The following ZNF880 variants were observed in gnomAD, a reference collection of about 807,000 sequenced individuals.
ZNF880 encodes zinc finger protein LOC400713.
A neutral mutation model predicts 11.8 loss-of-function variants in ZNF880; 12 were observed. That is an observed-to-expected ratio of 1.02 (90% CI 0.65 to 1.65). ZNF880 has a LOEUF of 1.65. Among genes scored for constraint, ZNF880 ranks in the 40% most tolerant of loss-of-function variants. The probability of loss-of-function intolerance (pLI) is 0.00; values close to 1 mark genes in which losing one functional copy is unlikely to be tolerated. For synonymous variants in ZNF880, 210 were observed against 232.4 expected, an observed-to-expected ratio of 0.90 and a Z score of 0.88; for missense variants, 601 against 673.9, an observed-to-expected ratio of 0.89 and a Z score of 1.20.
the ZNF880 span, chr19:52,397,031 G>C: frequency 6.6e-6 from 1 of 152,224 alleles, no homozygotes; most frequent in Non-Finnish European, 1.5e-5. Flanking sequence ...GGAGGCGGAG[G>C]TTACAGTGAG....
In ZNF880 at chr19:52,370,254, G is replaced by A. The variant is rs561877978; in HGVS notation, c.12+277G>A. 146 of 482,986 alleles carry A rather than the reference G, an allele frequency of 3.0e-4. 1 individual carries two copies. Among genetic ancestry groups the A allele is most frequent in the African/African-American group, 2.6e-3 (135 of 51,520 alleles). The allele number at this position is 482,986 out of a possible 1,614,324, so 29.9% of individuals were successfully genotyped here. ...AAATCCTTCAGTGACCCCTAGACAC[G>A]GCCCGCGCTGCGTAAAGTTCTCACC... On this transcript the variant is annotated intron_variant, in intron 1 of 3. Coordinates refer to ENST00000422689, the MANE Select transcript of ZNF880 (RefSeq NM_001145434.2).
chr19:52,375,126 GGAGTCTCAC>G (rs1986515334), intron 3 of ZNF880, among the ~76,000 whole-genome samples: 1 of 145,212 alleles, frequency 6.9e-6, no homozygotes, highest in South Asian at 2.3e-4. Flanking sequence ...TTTTTGAGAT[GGAGTCTCAC>G]TGTGTTACCC....
At chr19:52,370,005 C>G (rs1986314352) in intron 1 of ZNF880, 28 bp downstream of exon 1, 1 of 1,551,500 alleles carries the variant, frequency 6.4e-7, no homozygotes, top group Non-Finnish European at 8.7e-7. Flanking sequence ...TAGATTAAAT[C>G]TGGGATGCTG....
downstream of ZNF880, among the ~76,000 whole-genome samples, chr19:52,388,282 C>CTTTTCTTTTTTTTTT (rs1986945685): frequency 1.6e-5 from 1 of 63,424 alleles, no homozygotes. Context: ...GCAATTTGAA[C>CTTTTCTTTTTTTTTT]TTTTTTTTTT....
chr19:52,373,515 A>G (rs1013970884), intron 2 of ZNF880, among the ~76,000 whole-genome samples: 4 of 152,140 alleles, frequency 2.6e-5, no homozygotes, highest in Non-Finnish European at 5.9e-5. Context: ...GTATGCGTCA[A>G]ACCTTATGAC....
chr19:52,375,412 G>A (rs182751), intron 3 of ZNF880, among the ~76,000 whole-genome samples: 29,264 of 151,484 alleles, frequency 0.19, 3,393 homozygotes, highest in African/African-American at 0.33. Context: ...AGCTGGTCTC[G>A]AACTCCTGGC....
At chr19:52,390,394 C>T, downstream of ZNF880, 1 of 380,324 alleles carries the variant, frequency 2.6e-6, no homozygotes, top group Admixed American at 2.8e-5. Context: ...CCTCTCCTGA[C>T]TTTCTCCTGC....
In ZNF880 at chr19:52,385,488, A is replaced by G. The variant is rs1986857529; in HGVS notation, c.*174A>G. 1 of 728,048 alleles carries G rather than the reference A, an allele frequency of 1.4e-6. No homozygotes were observed. The highest frequency in any genetic ancestry group is 2.2e-6 in the Non-Finnish European group (1 of 457,460). 45.1% of individuals were successfully genotyped at this position (728,048 alleles called of 1,614,324 possible). A position where few individuals can be genotyped will look rare whatever the true frequency, so the allele number is the denominator to read the frequency against. On this transcript the variant is annotated 3_prime_UTR_variant, in exon 4 of 4. Transcript: ENST00000422689. The stretch of plus-strand genomic sequence containing the variant: ...GAAATCATAGCAATGTATGTGAATC[A>G]GGTCTCTTGAGGCCTGCCAAATGAC...
chr19:52,388,342 G>A (rs1164423170), downstream of ZNF880, among the ~76,000 whole-genome samples: 1 of 135,356 alleles, frequency 7.4e-6, no homozygotes. Context: ...GAGTGCAGTG[G>A]CGCGATCTTG....
rs1986858357 is a variant in ZNF880, at chr19:52,385,529, A to C, written c.*215A>C. ...GCCAAATGACTAGATATCAAAACATACATCTTGGATGAAACCATACAGATG... is the reference window on the plus strand; with the variant it reads ...GCCAAATGACTAGATATCAAAACATCCATCTTGGATGAAACCATACAGATG... On this transcript the variant is annotated 3_prime_UTR_variant, in exon 4 of 4. Transcript: ENST00000422689. 2 of 575,638 alleles carry C rather than the reference A, an allele frequency of 3.5e-6. No individual in the cohort carries two copies. The highest frequency in any genetic ancestry group is 2.9e-5 in the East Asian group (1 of 34,412). 35.7% of individuals were successfully genotyped at this position (575,638 alleles called of 1,614,324 possible). A position where few individuals can be genotyped will look rare whatever the true frequency, so the allele number is the denominator to read the frequency against.
chr19:52,375,806 G>A (rs1986536471), intron 3 of ZNF880, among the ~76,000 whole-genome samples: 1 of 152,044 alleles, frequency 6.6e-6, no homozygotes, highest in African/African-American at 2.4e-5. Context: ...AAGTCACTGG[G>A]ACTGTAGGCA....
intron 3 of ZNF880, among the ~76,000 whole-genome samples, chr19:52,380,510 T>A (rs1230127431): frequency 7.7e-6 from 1 of 130,166 alleles, no homozygotes; most frequent in Non-Finnish European, 1.7e-5. Flanking sequence ...TAATATTAAA[T>A]GAAATCTTTT....
chr19:52,370,706 A>G (rs2122340061), intron 1 of ZNF880: 1 of 152,358 alleles, frequency 6.6e-6, no homozygotes, highest in East Asian at 1.9e-4. Context: ...ACTTTTTGAA[A>G]TAGTTTGAAA....
At chr19:52,378,317 T>G (rs1986611995) in intron 3 of ZNF880, among the ~76,000 whole-genome samples, 1 of 152,078 alleles carries the variant, frequency 6.6e-6, no homozygotes, top group Non-Finnish European at 1.5e-5. Context: ...TCTTCTGAGA[T>G]TTTTACTCAG....
At chr19:52,378,867 C>G (rs1238527895) in intron 3 of ZNF880, among the ~76,000 whole-genome samples, 1 of 151,734 alleles carries the variant, frequency 6.6e-6, no homozygotes, top group African/African-American at 2.4e-5. Flanking sequence ...TGATTGAGCC[C>G]AGGAGTTTGA....
the ZNF880 span, among the ~76,000 whole-genome samples, chr19:52,394,459 T>C: frequency 6.6e-6 from 1 of 151,918 alleles, no homozygotes. Flanking sequence ...GGTCTCAAAC[T>C]CCTGAGCTTG....
upstream of ZNF880, chr19:52,367,664 TCTCTGTA>T (rs1363545540): frequency 6.6e-6 from 1 of 151,746 alleles, no homozygotes; most frequent in Non-Finnish European, 1.5e-5. Flanking sequence ...TGAGTTAGTT[TCTCTGTA>T]CTCTGGTGTA....
chr19:52,393,946 C>T, the ZNF880 span, among the ~76,000 whole-genome samples: 1 of 149,674 alleles, frequency 6.7e-6, no homozygotes, highest in Non-Finnish European at 1.5e-5. Flanking sequence ...ACGCCATTCT[C>T]CTGCCTCGGC....
intron 1 of ZNF880, among the ~76,000 whole-genome samples, chr19:52,371,851 C>A (rs1986382392): frequency 6.6e-6 from 1 of 152,060 alleles, no homozygotes; most frequent in African/African-American, 2.4e-5. Flanking sequence ...GCCGTTAGTA[C>A]ATGTACAACA....
Sources: gnomAD v4.1 joint callset for allele counts (sites outside exome capture counted in the v4.1 genomes callset) on GRCh38, gnomAD v4.1.1 for gene constraint, MANE v1.5 for transcripts, NCBI Gene and HGNC (gene_info 2026-07-23, HGNC 2026-07-21) for gene names.